FMO3: variants seen among roughly 807,000 people sequenced by gnomAD.
FMO3 encodes flavin-containing monooxygenase 3.
FMO3 carries 40 observed loss-of-function variants against 39.4 expected under a neutral mutation model. The observed-to-expected ratio is 1.02, with a 90% CI of 0.79 to 1.32. The LOEUF (loss-of-function observed/expected upper bound fraction) is 1.32. FMO3 is among the 40% of genes most tolerant of loss of function. The probability of loss-of-function intolerance (pLI) is 0.00; values close to 1 mark genes in which losing one functional copy is unlikely to be tolerated. For synonymous variants in FMO3, 219 were observed against 228.8 expected (o/e 0.96, Z 0.39); for missense variants, 680 against 651.8 (o/e 1.04, Z -0.47).
chr1:171,101,656 T>G, intron 2 of FMO3: 1 of 474,628 alleles, frequency 2.1e-6, no homozygotes, highest in South Asian at 1.5e-5. Context: ...TTCTATGCCC[T>G]TCTAGTTCTG....
rs767226303 is a variant in FMO3, at chr1:171,110,855, T to C, written c.685T>C (p.Tyr229His). ...WVMSRVWDNG[Y>H]PWDMLLVTRF... Reference sequence around the variant, plus strand: ...GATGAGCCGGGTCTGGGACAATGGTTATCCTTGGGACATGCTGCTCGTCAC... The same window carrying C: ...GATGAGCCGGGTCTGGGACAATGGTCATCCTTGGGACATGCTGCTCGTCAC... The change falls in exon 6 of 9, where the codon TAT becomes CAT. Residue 229 changes from tyrosine to histidine, a missense_variant. By Grantham distance (83) the Tyr-to-His change is moderately conservative. Transcript: ENST00000367755. 6.2e-7 allele frequency: 1 copy of C among 1,614,040 alleles called. No individual in the cohort carries two copies. The highest frequency in any genetic ancestry group is 2.2e-5 in the East Asian group (1 of 44,860).
intron 3 of FMO3, 91 bp downstream of exon 3, chr1:171,104,064 T>A: frequency 1.2e-5 from 12 of 988,992 alleles, no homozygotes; most frequent in Non-Finnish European, 1.9e-5. Context: ...TCAGTTTCCC[T>A]TTCTAATTTG....
In FMO3 at chr1:171,110,041, G is replaced by A. The variant is rs1655837641; in HGVS notation, c.628-757G>A. Among the ~76,000 whole-genome samples the A allele has an allele frequency of 2.0e-5, 3 of 152,186 alleles. No homozygotes were observed. The South Asian group carries it at 6.2e-4, about 32-fold the overall frequency. ...CAGGTAACGTTAGCCATGTGACATA[G>A]TTTATCACATCGAATTAACGCTTAC... On this transcript the variant is annotated intron_variant, in intron 5 of 8. Transcript: ENST00000367755.
intron 2 of FMO3, chr1:171,100,912 G>T (rs1655350678): frequency 3.5e-6 from 1 of 283,320 alleles, no homozygotes; most frequent in African/African-American, 2.2e-5. Flanking sequence ...AAGATGGAGA[G>T]ATTTTTCTGC....
In FMO3 at chr1:171,114,107, T is replaced by C. The variant is rs1470993711; in HGVS notation, c.928T>C (p.Ser310Pro). The C allele has an allele frequency of 6.2e-7, 1 of 1,613,930 alleles. No homozygotes were observed. Among genetic ancestry groups the C allele is most frequent in the South Asian group, 1.1e-5 (1 of 91,070 alleles). The change falls in exon 7 of 9, where the codon TCG (serine) becomes CCG (proline). Residue 310 changes from serine (S) to proline (P), a missense_variant. Ser to Pro is a moderately conservative substitution (Grantham distance 74). Transcript: ENST00000367755. The stretch of plus-strand genomic sequence containing the variant: ...TAACGTGAAGGAATTCACAGAGACC[T>C]CGGCCATTTTTGAGGATGGGACCAT... ...KPNVKEFTET[S>P]AIFEDGTIFE...
intron 8 of FMO3, 128 bp downstream of exon 8, chr1:171,116,408 T>C: frequency 1.6e-6 from 1 of 613,574 alleles, no homozygotes; most frequent in Non-Finnish European, 2.9e-6. Context: ...ACAAGCTATA[T>C]TCATCCATTC....
At chr1:171,102,240 G>A (rs995449435) in intron 2 of FMO3, among the ~76,000 whole-genome samples, 3 of 152,076 alleles carry the variant, frequency 2.0e-5, no homozygotes, top group Non-Finnish European at 2.9e-5. Flanking sequence ...TGTTCTGGGA[G>A]CCCTGACAAC....
Position 171,117,371 on chromosome 1 carries a change from T to C in FMO3, c.1528T>C (p.Phe510Leu). 1.2e-6 allele frequency: 2 copies of C among 1,612,798 alleles called. No homozygotes were observed. The highest frequency in any genetic ancestry group is 2.7e-5 in the African/African-American group (2 of 74,876). The stretch of plus-strand genomic sequence containing the variant: ...GGTCGGGAGACTTCAGAAGCCTTGC[T>C]TCTTTTTCCATTGGCTGAAGCTCTT... ...RVVGRLQKPC[F>L]FFHWLKLFAI... Residue 510 changes from phenylalanine to leucine, a missense_variant, in exon 9 of 9, where the codon TTC becomes CTC. Physicochemically the swap from Phe to Leu is conservative, Grantham distance 22 (BLOSUM62 0). Coordinates refer to ENST00000367755, the MANE Select transcript of FMO3 (RefSeq NM_001002294.3).
In FMO3 at chr1:171,103,730, A is replaced by G. The variant is rs1571213942; in HGVS notation, c.133-55A>G. 6 of 1,425,530 alleles carry G rather than the reference A, an allele frequency of 4.2e-6. No individual in the cohort carries two copies. In the East Asian group the frequency reaches 1.1e-4, roughly 27 times the overall value. 88.3% of individuals were successfully genotyped at this position (1,425,530 alleles called of 1,614,324 possible). A position where few individuals can be genotyped will look rare whatever the true frequency, so the allele number is the denominator to read the frequency against. ...TAATTACTTGGAACCAGCCCTGACC[A>G]TGATCAGTATACTCATTTACCAATT... On this transcript the variant is annotated intron_variant, in intron 2 of 8. Transcript: ENST00000367755.
Position 171,117,402 on chromosome 1 carries a change from T to A in FMO3, c.1559T>A (p.Ile520Asn). 2 of 1,613,326 alleles carry A rather than the reference T, an allele frequency of 1.2e-6. No individual in the cohort carries two copies. Among genetic ancestry groups the A allele is most frequent in the Non-Finnish European group, 1.7e-6 (2 of 1,179,770 alleles). ...TTCCATTGGCTGAAGCTCTTTGCAA[T>A]TCCTATTCTGTTAATCGCTGTTTTC... Reference protein sequence around the residue: ...FFFHWLKLFAIPILLIAVFLV... With the variant: ...FFFHWLKLFANPILLIAVFLV... The change falls in exon 9 of 9, where the codon ATT becomes AAT. Residue 520 changes from isoleucine (I) to asparagine (N), a missense_variant. Coordinates refer to ENST00000367755, the MANE Select transcript of FMO3 (RefSeq NM_001002294.3).
At chr1:171,097,643 T>C (rs1365866173) in intron 2 of FMO3, among the ~76,000 whole-genome samples, 2 of 146,616 alleles carry the variant, frequency 1.4e-5, no homozygotes, top group Non-Finnish European at 3.0e-5. Context: ...GGGTTGTTTG[T>C]TTTTTTCTTG....
intron 6 of FMO3, among the ~76,000 whole-genome samples, chr1:171,111,808 T>C (rs1300073156): frequency 2.0e-5 from 3 of 152,318 alleles, no homozygotes; most frequent in East Asian, 3.9e-4. Flanking sequence ...CCTGTGGATA[T>C]AGTAGTGGAC....
intron 5 of FMO3, 121 bp downstream of exon 5, chr1:171,108,342 T>A: frequency 8.3e-7 from 1 of 1,200,950 alleles, no homozygotes; most frequent in Non-Finnish European, 1.2e-6. Context: ...GACTAAGTGG[T>A]ATTTCACATA....
chr1:171,096,283 A>C (rs1164121549), intron 2 of FMO3, among the ~76,000 whole-genome samples: 1 of 63,678 alleles, frequency 1.6e-5, no homozygotes, highest in Non-Finnish European at 2.5e-5. Context: ...TATTATATAT[A>C]TTATATATCT....
At chr1:171,102,171 C>A (rs1311416441) in intron 2 of FMO3, among the ~76,000 whole-genome samples, 1 of 152,156 alleles carries the variant, frequency 6.6e-6, no homozygotes. Flanking sequence ...AATAATGAAA[C>A]TGCAGCCACA....
At chr1:171,115,095 G>A (rs1221569405) in intron 7 of FMO3, among the ~76,000 whole-genome samples, 1 of 152,174 alleles carries the variant, frequency 6.6e-6, no homozygotes, top group African/African-American at 2.4e-5. Context: ...AGCCAGGAAG[G>A]TAATGGCATG....
chr1:171,117,415 A>T lies in FMO3; in HGVS notation c.1572A>T (p.Leu524Phe). ...AGCTCTTTGCAATTCCTATTCTGTT[A>T]ATCGCTGTTTTCCTTGTGTTGACCT... ...WLKLFAIPILLIAVFLVLT is the reference protein window; with the variant it reads ...WLKLFAIPILFIAVFLVLT The change falls in exon 9 of 9, where the codon TTA becomes TTT. Residue 524 changes from leucine to phenylalanine, a missense_variant. Physicochemically the swap from Leu to Phe is conservative, Grantham distance 22 (BLOSUM62 0). Coordinates refer to ENST00000367755, the MANE Select transcript of FMO3 (RefSeq NM_001002294.3). 1 of 1,613,682 alleles carries T rather than the reference A, an allele frequency of 6.2e-7. No individual in the cohort carries two copies. Among genetic ancestry groups the T allele is most frequent in the African/African-American group, 1.3e-5 (1 of 75,010 alleles).
intron 2 of FMO3, among the ~76,000 whole-genome samples, chr1:171,098,758 T>TA (rs1358216538): frequency 2.0e-5 from 3 of 152,190 alleles, no homozygotes; most frequent in Non-Finnish European, 2.9e-5. Flanking sequence ...TGACTTCCTC[T>TA]TTTCCTAATT....
At chr1:171,116,055 A>G (rs1484013482) in intron 7 of FMO3, among the ~76,000 whole-genome samples, 153 bp from the exon 8 acceptor site, 1 of 152,220 alleles carries the variant, frequency 6.6e-6, no homozygotes, top group Non-Finnish European at 1.5e-5. Context: ...TATGACAAAT[A>G]TGAGTTCTGA....
Sources: allele counts gnomAD v4.1 joint callset (sites outside exome capture counted in the v4.1 genomes callset), GRCh38; gene constraint gnomAD v4.1.1; transcripts MANE v1.5; gene names NCBI Gene and HGNC (gene_info 2026-07-23, HGNC 2026-07-21).